The following ST3GAL6 variants were observed in gnomAD, a reference collection of about 807,000 sequenced individuals.
ST3GAL6 encodes the protein type 2 lactosamine alpha-2,3-sialyltransferase.
ST3GAL6 carries 31 observed loss-of-function variants against 40.5 expected under a neutral mutation model. The observed-to-expected ratio is 0.77, with a 90% CI of 0.58 to 1.03. The LOEUF is 1.03. ST3GAL6 is among the 50% of genes least tolerant of loss of function. The probability of loss-of-function intolerance (pLI) is 0.00; values close to 1 mark genes in which losing one functional copy is unlikely to be tolerated. For missense variants in ST3GAL6, 357 were observed against 393.2 expected (o/e 0.91, Z 0.78); for synonymous variants, 129 against 136.9 (o/e 0.94, Z 0.40).
intron 1 of ST3GAL6, among the ~76,000 whole-genome samples, chr3:98,753,851 A>G (rs1388582252): frequency 6.6e-6 from 1 of 152,188 alleles, no homozygotes; most frequent in African/African-American, 2.4e-5. Context: ...AAGGAACAGC[A>G]TGGTTTACTG....
intron 5 of ST3GAL6, among the ~76,000 whole-genome samples, chr3:98,777,441 A>T (rs1231803759): frequency 6.6e-6 from 1 of 152,228 alleles, no homozygotes; most frequent in Admixed American, 6.5e-5. Context: ...TTAAACATTG[A>T]CTAGCAACCA....
At chr3:98,747,018 CA>C (rs1936612630) in intron 1 of ST3GAL6, among the ~76,000 whole-genome samples, 1 of 152,200 alleles carries the variant, frequency 6.6e-6, no homozygotes, top group African/African-American at 2.4e-5. Context: ...TCCCCTTTAT[CA>C]GACATTGTCT....
Position 98,788,478 on chromosome 3 carries a change from CT to C in ST3GAL6, c.756+16del. The C allele has an allele frequency of 1.3e-6, 2 of 1,589,952 alleles. No individual in the cohort carries two copies. Among genetic ancestry groups the C allele is most frequent in the Non-Finnish European group, 1.7e-6 (2 of 1,170,064 alleles). ...CCAAAAATCAGGTATGTATTTATCTCTGCATGGTTTCAAACTACAGATCTGG... is the reference window on the plus strand; with the variant it reads ...CCAAAAATCAGGTATGTATTTATCTCGCATGGTTTCAAACTACAGATCTGG... On this transcript the variant is annotated intron_variant, in intron 8 of 9. Transcript: ENST00000483910.
At chr3:98,753,837 T>C (rs760963629) in intron 1 of ST3GAL6, among the ~76,000 whole-genome samples, 1 of 152,224 alleles carries the variant, frequency 6.6e-6, no homozygotes, top group Non-Finnish European at 1.5e-5. Context: ...TCCTGTGTGC[T>C]ATAAAGGAAC....
intron 3 of ST3GAL6, 124 bp from the exon 4 acceptor site, chr3:98,772,689 T>C (rs1352903198): frequency 3.8e-6 from 2 of 531,982 alleles, no homozygotes; most frequent in Admixed American, 3.3e-5. Context: ...AAAAAAATTA[T>C]ACATTTTTGT....
At chr3:98,750,500 T>G (rs1217355382) in intron 1 of ST3GAL6, among the ~76,000 whole-genome samples, 1 of 152,120 alleles carries the variant, frequency 6.6e-6, no homozygotes, top group East Asian at 1.9e-4. Flanking sequence ...CATTCGAATG[T>G]TCCTGTTCAC....
intron 8 of ST3GAL6, 122 bp downstream of exon 8, chr3:98,788,585 C>T: frequency 1.2e-6 from 1 of 825,366 alleles, no homozygotes; most frequent in East Asian, 2.8e-5. Context: ...TGAGGGCCAT[C>T]TCTGAGTTAG....
chr3:98,743,651 G>A (rs184525012), intron 1 of ST3GAL6, among the ~76,000 whole-genome samples: 13 of 152,336 alleles, frequency 8.5e-5, no homozygotes, highest in African/African-American at 2.9e-4. Context: ...CAGGCAAGCT[G>A]CCTCCAGATG....
intron 1 of ST3GAL6, among the ~76,000 whole-genome samples, chr3:98,743,307 C>T (rs966234598): frequency 6.6e-6 from 1 of 152,026 alleles, no homozygotes; most frequent in Non-Finnish European, 1.5e-5. Context: ...AGGCGTGAGC[C>T]ACTGTGCCTG....
chr3:98,774,286 C>T (rs1939304683), intron 5 of ST3GAL6, among the ~76,000 whole-genome samples: 1 of 152,240 alleles, frequency 6.6e-6, no homozygotes, highest in South Asian at 2.1e-4. Flanking sequence ...TAGTTCACCC[C>T]CTGCTAATCA....
chr3:98,757,806 C>T (rs1937522822), intron 1 of ST3GAL6, among the ~76,000 whole-genome samples: 1 of 151,898 alleles, frequency 6.6e-6, no homozygotes, highest in Non-Finnish European at 1.5e-5. Context: ...TGTTCTATCA[C>T]ATAAGCGTTT....
At chr3:98,745,398 T>C (rs1687238288) in intron 1 of ST3GAL6, among the ~76,000 whole-genome samples, 1 of 152,212 alleles carries the variant, frequency 6.6e-6, no homozygotes, top group Admixed American at 6.5e-5. Context: ...ACAGTACTGT[T>C]GTGAAGTCCC....
At chr3:98,755,330 G>A (rs1335336313) in intron 1 of ST3GAL6, among the ~76,000 whole-genome samples, 1 of 152,150 alleles carries the variant, frequency 6.6e-6, no homozygotes, top group Non-Finnish European at 1.5e-5. Context: ...ACAGGTGTGA[G>A]CCACCGCGCC....
chr3:98,785,100 T>A, intron 6 of ST3GAL6, 60 bp downstream of exon 6: 1 of 1,172,872 alleles, frequency 8.5e-7, no homozygotes, highest in Non-Finnish European at 1.3e-6. Flanking sequence ...GTTTCTTGCC[T>A]TAATACAGCT....
chr3:98,763,086 G>T (rs906573166), upstream of ST3GAL6: 5 of 985,282 alleles, frequency 5.1e-6, no homozygotes, highest in East Asian at 4.5e-4. Context: ...TCACTGTGGA[G>T]TCCTGTACAT....
In ST3GAL6 at chr3:98,743,901, T is replaced by TC. The variant is rs1336903740; in HGVS notation, c.-12+11378dup. Among the ~76,000 whole-genome samples the TC allele has an allele frequency of 7.3e-3, 639 of 86,996 alleles. 1 individual carries two copies. Among genetic ancestry groups the TC allele is most frequent in the East Asian group, 0.022 (57 of 2,620 alleles). The allele number at this position is 86,996 out of a possible 152,430, so 57.1% of individuals were successfully genotyped here. A position where few individuals can be genotyped will look rare whatever the true frequency, so the allele number is the denominator to read the frequency against. ...TGTAATTGGTTCAGTTGTGCCCCCCTCCCCCCCCCGCTCCAAGAGATATTT... is the reference window on the plus strand; with the variant it reads ...TGTAATTGGTTCAGTTGTGCCCCCCTCCCCCCCCCCGCTCCAAGAGATATTT... On this transcript the variant is annotated intron_variant, in intron 1 of 9. Transcript: ENST00000265261.
chr3:98,792,289 G>C (rs992475589), intron 9 of ST3GAL6, among the ~76,000 whole-genome samples: 3 of 152,096 alleles, frequency 2.0e-5, no homozygotes, highest in African/African-American at 7.2e-5. Flanking sequence ...TTGAAATTCA[G>C]GCAACCTGCT....
chr3:98,784,356 G>A (rs1399944605), intron 5 of ST3GAL6: 1 of 152,652 alleles, frequency 6.6e-6, no homozygotes, highest in Admixed American at 6.5e-5. Flanking sequence ...CCAAGGACCA[G>A]TCCATGTTTG....
In ST3GAL6 at chr3:98,772,925, T is replaced by C. The variant is rs2107208018; in HGVS notation, c.271+9T>C. 2 of 1,545,626 alleles carry C rather than the reference T, an allele frequency of 1.3e-6. No individual in the cohort carries two copies. The highest frequency in any genetic ancestry group is 2.3e-5 in the East Asian group (1 of 44,402). On this transcript the variant is annotated intron_variant, in intron 4 of 9. Coordinates refer to ENST00000483910, the MANE Select transcript of ST3GAL6 (RefSeq NM_001323368.2). ...TGGGATGAGAACATCAGGTCAGTAG[T>C]AGTATTCTTACCTGGTTCTGTTAAA...
Sources: gnomAD v4.1 joint callset for allele counts (sites outside exome capture counted in the v4.1 genomes callset) on GRCh38, gnomAD v4.1.1 for gene constraint, MANE v1.5 for transcripts, NCBI Gene and HGNC (gene_info 2026-07-23, HGNC 2026-07-21) for gene names.